The following SLC30A9 variants were observed in gnomAD, a reference collection of about 807,000 sequenced individuals.
SLC30A9 encodes solute carrier family 30 member 9, also known as proton-coupled zinc antiporter SLC30A9, mitochondrial.
Under a neutral mutation model 87.5 loss-of-function variants are expected in SLC30A9, and 58 were observed. That is an observed-to-expected ratio of 0.66 (90% CI 0.54 to 0.82). The LOEUF (loss-of-function observed/expected upper bound fraction) is 0.82. Among genes scored for constraint, SLC30A9 ranks in the 40% least tolerant of loss-of-function variants. The pLI is 0.00. For synonymous variants in SLC30A9, 234 were observed against 233.0 expected, an observed-to-expected ratio of 1.00 and a Z score of -0.04; for missense variants, 557 against 679.1, an observed-to-expected ratio of 0.82 and a Z score of 2.00.
chr4:42,005,638 A>G (rs1180587992), intron 2 of SLC30A9, among the ~76,000 whole-genome samples: 4 of 152,184 alleles, frequency 2.6e-5, no homozygotes, highest in East Asian at 3.9e-4. Context: ...CCAAGCTTCA[A>G]TAGAAATCCG....
intron 17 of SLC30A9, among the ~76,000 whole-genome samples, 167 bp from the exon 18 acceptor site, chr4:42,085,915 A>G (rs1008259819): frequency 6.6e-6 from 1 of 151,272 alleles, no homozygotes; most frequent in Non-Finnish European, 1.5e-5. Flanking sequence ...TAGTATGTCT[A>G]TTTACCTATT....
Position 42,038,995 on chromosome 4 carries a change from A to G in SLC30A9, c.679A>G (p.Arg227Gly), listed in dbSNP as rs1716805568. Reference sequence around the variant, plus strand: ...TTTTGTTTTTTTACAGCCACGCTCCAGAACAGCATCAGTGTTTTTTAAGGG... The same window carrying G: ...TTTTGTTTTTTTACAGCCACGCTCCGGAACAGCATCAGTGTTTTTTAAGGG... The part of the protein sequence containing the change: ...DFLGNTKPRS[R>G]TASVFFKGPG... Residue 227 changes from arginine to glycine, a missense_variant, in exon 8 of 18, where the codon AGA becomes GGA. By Grantham distance (125) the Arg-to-Gly change is moderately radical (BLOSUM62 -2). Around this residue, in one of 2 missense-constraint regions of SLC30A9, gnomAD observed 467 missense variants for 529.8 expected, o/e 0.88. Coordinates refer to ENST00000264451, the MANE Select transcript of SLC30A9 (RefSeq NM_006345.4). 3.1e-6 allele frequency: 5 copies of G among 1,613,738 alleles called. No individual in the cohort carries two copies. Among genetic ancestry groups the G allele is most frequent in the Non-Finnish European group, 4.2e-6 (5 of 1,179,698 alleles).
intron 1 of SLC30A9, among the ~76,000 whole-genome samples, chr4:41,998,654 T>C (rs149509723): frequency 0.03 from 4,488 of 151,926 alleles, 106 homozygotes; most frequent in Middle Eastern, 0.071. Flanking sequence ...TTAGTAGAGA[T>C]GGGGTTTCAC....
At chr4:42,055,857 G>A (rs755513243) in intron 9 of SLC30A9, among the ~76,000 whole-genome samples, 1 of 152,184 alleles carries the variant, frequency 6.6e-6, no homozygotes, top group Non-Finnish European at 1.5e-5. Context: ...CACCAGAAAC[G>A]TGAAGGGTGA....
chr4:42,053,724 A>T (rs1383656059), intron 9 of SLC30A9, among the ~76,000 whole-genome samples: 2 of 134,460 alleles, frequency 1.5e-5, no homozygotes, highest in East Asian at 2.4e-4. Flanking sequence ...AAAAAAAAAA[A>T]GGAATGTTAT....
rs1356975313 is a variant in SLC30A9 at position 42,008,504 on chromosome 4, T to G, written c.274+6724T>G. On this transcript the variant is annotated intron_variant, in intron 2 of 17. Transcript: ENST00000264451. Reference sequence around the variant, plus strand: ...AGAGTTCTAACCTGGAACTAAAGATTTAGGAGTTTTTACCTATACATAGAT... The same window carrying G: ...AGAGTTCTAACCTGGAACTAAAGATGTAGGAGTTTTTACCTATACATAGAT... 2.6e-5 allele frequency among the ~76,000 whole-genome samples: 4 copies of G among 152,140 alleles called. No individual in the cohort carries two copies. In the East Asian group the frequency reaches 7.7e-4, roughly 29 times the overall value.
chr4:42,080,214 G>A (rs1259760617), intron 17 of SLC30A9, among the ~76,000 whole-genome samples: 2 of 152,080 alleles, frequency 1.3e-5, no homozygotes, highest in East Asian at 1.9e-4. Flanking sequence ...GAAGGTAGGG[G>A]GCACAGTCTA....
chr4:42,056,497 C>G (rs886136603), intron 9 of SLC30A9, among the ~76,000 whole-genome samples: 6 of 152,118 alleles, frequency 3.9e-5, no homozygotes, highest in Admixed American at 6.5e-5. Context: ...TTCACTATCA[C>G]GAGAACAGCC....
chr4:42,011,684 T>C (rs561906160), intron 2 of SLC30A9, among the ~76,000 whole-genome samples: 1 of 152,312 alleles, frequency 6.6e-6, no homozygotes, highest in East Asian at 1.9e-4. Flanking sequence ...GTGAATTAAT[T>C]CCAGTTGAAG....
chr4:42,039,772 T>C (rs985759269), intron 8 of SLC30A9, among the ~76,000 whole-genome samples: 1 of 152,100 alleles, frequency 6.6e-6, no homozygotes, highest in Non-Finnish European at 1.5e-5. Context: ...TGCCTTCCCC[T>C]TTTTCCCTCT....
intron 5 of SLC30A9, 54 bp downstream of exon 5, chr4:42,022,984 A>C: frequency 9.8e-7 from 1 of 1,023,818 alleles, no homozygotes; most frequent in Non-Finnish European, 1.5e-6. Context: ...TGGATTAATA[A>C]AAATACATTT....
At chr4:42,019,238 A>G (rs987576098) in intron 3 of SLC30A9, among the ~76,000 whole-genome samples, 5 of 152,194 alleles carry the variant, frequency 3.3e-5, no homozygotes, top group African/African-American at 1.2e-4. Flanking sequence ...ATAGATGACA[A>G]TTCGAAATAG....
intron 6 of SLC30A9, among the ~76,000 whole-genome samples, chr4:42,023,790 C>G (rs115882112): frequency 5.9e-5 from 9 of 152,290 alleles, no homozygotes; most frequent in African/African-American, 2.2e-4. Context: ...ACTCACAGTT[C>G]CGCATGGCTG....
intron 13 of SLC30A9, among the ~76,000 whole-genome samples, 198 bp downstream of exon 13, chr4:42,066,819 G>T (rs1718095441): frequency 1.3e-5 from 2 of 152,118 alleles, no homozygotes; most frequent in South Asian, 4.1e-4. Flanking sequence ...TTTATATTTG[G>T]ATTTGACTTA....
Position 42,001,797 on chromosome 4 carries a change from T to G in SLC30A9, c.274+17T>G. On this transcript the variant is annotated intron_variant, in intron 2 of 17. Transcript: ENST00000264451. ...TTGAAACAGGTATGTGTAATTTTTT[T>G]AATGTACTTTTTTCTGTATACTGGA... is the stretch of plus-strand genomic sequence containing the variant. The G allele has an allele frequency of 6.3e-7, 1 of 1,577,614 alleles. No individual in the cohort carries two copies. Among genetic ancestry groups the G allele is most frequent in the Non-Finnish European group, 8.6e-7 (1 of 1,157,268 alleles).
rs1378082606 is a variant in SLC30A9 at position 42,087,868 on chromosome 4, T to C, written c.*1742T>C. The C allele has an allele frequency of 4.6e-5, 7 of 152,054 alleles. 1 individual carries two copies. Among genetic ancestry groups the C allele is most frequent in the South Asian group, 2.1e-4 (1 of 4,824 alleles). The allele number at this position is 152,054 out of a possible 1,614,324, so 9.4% of individuals were successfully genotyped here. A position where few individuals can be genotyped will look rare whatever the true frequency, so the allele number is the denominator to read the frequency against. On this transcript the variant is annotated 3_prime_UTR_variant, in exon 18 of 18. Coordinates refer to ENST00000264451, the MANE Select transcript of SLC30A9 (RefSeq NM_006345.4). ...TGCCATATGAGAAAGTACCAAATTA[T>C]ATCCAGTTTCCTCCTAGTGATATTA...
chr4:42,074,831 GA>G (rs1438419472), intron 15 of SLC30A9, among the ~76,000 whole-genome samples: 1 of 151,314 alleles, frequency 6.6e-6, no homozygotes, highest in Non-Finnish European at 1.5e-5. Context: ...TTCTAATAGA[GA>G]ACTTCACAGC....
chr4:42,044,173 A>G (rs928516133), intron 8 of SLC30A9, among the ~76,000 whole-genome samples: 1 of 152,194 alleles, frequency 6.6e-6, no homozygotes, highest in African/African-American at 2.4e-5. Context: ...ATAACCAACT[A>G]GCATCATAAT....
intron 9 of SLC30A9, among the ~76,000 whole-genome samples, chr4:42,050,262 G>C (rs1215425170): frequency 6.6e-6 from 1 of 152,100 alleles, no homozygotes; most frequent in African/African-American, 2.4e-5. Context: ...ACAAGCGTTT[G>C]CCATTAGTAC....
Sources: allele counts gnomAD v4.1 joint callset (sites outside exome capture counted in the v4.1 genomes callset), GRCh38; gene constraint gnomAD v4.1.1; regional missense constraint gnomAD v4.1.1; transcripts MANE v1.5; gene names NCBI Gene and HGNC (gene_info 2026-07-23, HGNC 2026-07-21).